Variants in FHOD3 observed in about 807,000 individuals in gnomAD.
FHOD3 encodes the protein formin homology 2 domain containing 3, also known as FH1/FH2 domain-containing protein 3.
Under a neutral mutation model 173.0 loss-of-function variants are expected in FHOD3, and 90 were observed. The ratio of observed to expected loss-of-function variants is 0.52; its 90% CI spans 0.44 to 0.62. The LOEUF (loss-of-function observed/expected upper bound fraction) is 0.62. Ranked by LOEUF, FHOD3 falls within the 20% of genes least tolerant of loss-of-function variation. The pLI is 0.00. For missense variants in FHOD3, 1,945 were observed against 2,034.7 expected, an observed-to-expected ratio of 0.96 and a Z score of 0.85; for synonymous variants, 828 against 823.0, an observed-to-expected ratio of 1.01 and a Z score of -0.10.
intron 5 of FHOD3, among the ~76,000 whole-genome samples, chr18:36,543,321 A>T (rs1441296538): frequency 6.6e-6 from 1 of 152,168 alleles, no homozygotes; most frequent in African/African-American, 2.4e-5. Context: ...GTATATATGC[A>T]TACATTTCCT....
chr18:36,605,375 C>G (rs2031943726), intron 8 of FHOD3, among the ~76,000 whole-genome samples: 1 of 152,174 alleles, frequency 6.6e-6, no homozygotes, highest in Non-Finnish European at 1.5e-5. Flanking sequence ...TGGCAGAGAC[C>G]CAGTGCCTGT....
At chr18:36,357,782 C>A (rs1036708953) in intron 2 of FHOD3, among the ~76,000 whole-genome samples, 3 of 152,076 alleles carry the variant, frequency 2.0e-5, no homozygotes, top group African/African-American at 7.2e-5. Context: ...AAACAGACCC[C>A]GGGAATGTTA....
rs932894204 is a variant in FHOD3, at chr18:36,722,980, A to G, written c.3417+4265A>G. ...CCTGAATTCTACCTAGAAACTCTGA[A>G]CACAGCTCTGGGACTTCAGCAGGGC... is the stretch of plus-strand genomic sequence containing the variant. On this transcript the variant is annotated intron_variant, in intron 19 of 28. Transcript: ENST00000590592. Among the ~76,000 whole-genome samples, 6 of 152,050 alleles carry G rather than the reference A, an allele frequency of 3.9e-5. No individual in the cohort carries two copies. The East Asian group carries it at 1.2e-3, about 29-fold the overall frequency.
intron 3 of FHOD3, among the ~76,000 whole-genome samples, chr18:36,397,091 A>G (rs192354408): frequency 6.6e-6 from 1 of 152,342 alleles, no homozygotes; most frequent in African/African-American, 2.4e-5. Flanking sequence ...CAGTTTTAAG[A>G]ATTCATAGAA....
chr18:36,491,548 C>A (rs756329325), intron 3 of FHOD3, among the ~76,000 whole-genome samples: 4 of 152,182 alleles, frequency 2.6e-5, no homozygotes, highest in Non-Finnish European at 4.4e-5. Flanking sequence ...CCCGAACAAT[C>A]CCCTGTGGAC....
chr18:36,510,398 T>G (rs2055569333), intron 4 of FHOD3, among the ~76,000 whole-genome samples: 2 of 152,228 alleles, frequency 1.3e-5, no homozygotes, highest in Non-Finnish European at 2.9e-5. Context: ...AATTTCTCCT[T>G]CCTGAGTGCC....
chr18:36,629,754 G>A (rs2034375160), intron 10 of FHOD3, among the ~76,000 whole-genome samples: 1 of 152,028 alleles, frequency 6.6e-6, no homozygotes, highest in Non-Finnish European at 1.5e-5. Flanking sequence ...GCCAGATTGA[G>A]GGACACATGG....
At chr18:36,542,164 AGT>A (rs1028831735) in intron 5 of FHOD3, among the ~76,000 whole-genome samples, 1 of 152,120 alleles carries the variant, frequency 6.6e-6, no homozygotes, top group African/African-American at 2.4e-5. Context: ...CTCTTTGGAG[AGT>A]GAGTACCATC....
intron 6 of FHOD3, among the ~76,000 whole-genome samples, chr18:36,577,593 A>G (rs567392937): frequency 9.9e-5 from 15 of 152,284 alleles, no homozygotes; most frequent in Middle Eastern, 3.4e-3. Flanking sequence ...GAGCCACCAC[A>G]TCCGGCCCAT....
chr18:36,356,568 G>A (rs1298218904), intron 2 of FHOD3, among the ~76,000 whole-genome samples: 2 of 152,022 alleles, frequency 1.3e-5, no homozygotes, highest in Non-Finnish European at 2.9e-5. Context: ...CGTGATCTCG[G>A]CTCACTGCAG....
intron 5 of FHOD3, among the ~76,000 whole-genome samples, chr18:36,519,739 A>G (rs2056178025): frequency 6.6e-6 from 1 of 152,138 alleles, no homozygotes; most frequent in Non-Finnish European, 1.5e-5. Context: ...GGGCTACTCC[A>G]TGGGTGGGGC....
At chr18:36,665,838 G>A (rs2037146089) in intron 14 of FHOD3, among the ~76,000 whole-genome samples, 1 of 152,250 alleles carries the variant, frequency 6.6e-6, no homozygotes, top group African/African-American at 2.4e-5. Flanking sequence ...GCTGGTGGCA[G>A]TCAGCGCTTT....
At chr18:36,426,414 G>T (rs2050246259) in intron 3 of FHOD3, among the ~76,000 whole-genome samples, 1 of 152,188 alleles carries the variant, frequency 6.6e-6, no homozygotes, top group African/African-American at 2.4e-5. Context: ...GGTGATACCA[G>T]TTAAGAAGAT....
chr18:36,433,288 C>T (rs573638192), intron 3 of FHOD3, among the ~76,000 whole-genome samples: 2 of 152,282 alleles, frequency 1.3e-5, no homozygotes, highest in East Asian at 3.9e-4. Context: ...AGGATTCTGT[C>T]TACCATACTC....
intron 8 of FHOD3, among the ~76,000 whole-genome samples, chr18:36,609,803 G>A (rs941105605): frequency 3.9e-5 from 6 of 151,956 alleles, no homozygotes; most frequent in Admixed American, 1.3e-4. Flanking sequence ...TAGAGACTGG[G>A]TTTCGCCATG....
At chr18:36,388,785 A>T (rs772750074) in intron 3 of FHOD3, among the ~76,000 whole-genome samples, 3 of 152,226 alleles carry the variant, frequency 2.0e-5, no homozygotes, top group African/African-American at 7.2e-5. Flanking sequence ...AACAATGAAG[A>T]TGGGAGAATA....
intron 1 of FHOD3, among the ~76,000 whole-genome samples, chr18:36,352,010 C>T (rs957122907): frequency 2.0e-5 from 3 of 152,120 alleles, no homozygotes; most frequent in Non-Finnish European, 4.4e-5. Flanking sequence ...GGTACCTCAA[C>T]TGAATGGCCA....
At chr18:36,573,746 A>G (rs2058545772) in intron 5 of FHOD3, among the ~76,000 whole-genome samples, 1 of 152,252 alleles carries the variant, frequency 6.6e-6, no homozygotes, top group South Asian at 2.1e-4. Context: ...TAGCTTTGGT[A>G]AATGACTGTG....
chr18:36,753,163 G>C (rs1410936376), intron 24 of FHOD3, among the ~76,000 whole-genome samples: 1 of 152,090 alleles, frequency 6.6e-6, no homozygotes, highest in African/African-American at 2.4e-5. Context: ...GCTGGTACTG[G>C]ATACCTTGTC....
Sources: allele counts gnomAD v4.1 joint callset (sites outside exome capture counted in the v4.1 genomes callset), GRCh38; gene constraint gnomAD v4.1.1; transcripts MANE v1.5; gene names NCBI Gene and HGNC (gene_info 2026-07-23, HGNC 2026-07-21).